The following ALK variants were observed in gnomAD, a reference collection of about 807,000 sequenced individuals.
ALK encodes the protein ALK tyrosine kinase receptor.
A neutral mutation model predicts 163.1 loss-of-function variants in ALK; 74 were observed. The ratio of observed to expected loss-of-function variants is 0.45; its 90% CI spans 0.38 to 0.55. The LOEUF is 0.55. Among genes scored for constraint, ALK ranks in the 20% least tolerant of loss-of-function variants. The probability of loss-of-function intolerance (pLI) is 0.00; values close to 1 mark genes in which losing one functional copy is unlikely to be tolerated. For synonymous variants in ALK, 960 were observed against 843.2 expected, an observed-to-expected ratio of 1.14 and a Z score of -2.40; for missense variants, 2,063 against 2,105.3, an observed-to-expected ratio of 0.98 and a Z score of 0.39.
At chr2:29,811,415 A>C (rs1439711415) in intron 1 of ALK, among the ~76,000 whole-genome samples, 1 of 152,188 alleles carries the variant, frequency 6.6e-6, no homozygotes. Flanking sequence ...GGGTCATCAT[A>C]ATGTCAAGCT....
chr2:29,907,425 G>A (rs1027466751), intron 1 of ALK, among the ~76,000 whole-genome samples: 5 of 151,982 alleles, frequency 3.3e-5, no homozygotes, highest in Non-Finnish European at 7.3e-5. Context: ...TATTTCTTCA[G>A]CACTCTCTCT....
chr2:29,883,388 C>A (rs1558532543), intron 1 of ALK, among the ~76,000 whole-genome samples: 1 of 152,312 alleles, frequency 6.6e-6, no homozygotes, highest in East Asian at 1.9e-4. Flanking sequence ...TGAATTCCTT[C>A]AAGGCCCAGG....
chr2:29,226,807 A>G lies in ALK; in HGVS notation c.3067+115T>C, dbSNP rs1235610950. 2.3e-6 allele frequency: 3 copies of G among 1,327,348 alleles called. No homozygotes were observed. The African/African-American group carries it at 4.3e-5, about 19-fold the overall frequency. 82.2% of individuals were successfully genotyped at this position (1,327,348 alleles called of 1,614,324 possible). A position where few individuals can be genotyped will look rare whatever the true frequency, so the allele number is the denominator to read the frequency against. ...TCGAGCTGTGGCAGGTAGGGGAGGG[A>G]CAGAAAGTTTACAAAACCGAATCCA... On this transcript the variant is annotated intron_variant, in intron 18 of 28. Coordinates refer to ENST00000389048, the MANE Select transcript of ALK (RefSeq NM_004304.5).
At chr2:29,511,694 T>A (rs924007938) in intron 4 of ALK, among the ~76,000 whole-genome samples, 1 of 152,184 alleles carries the variant, frequency 6.6e-6, no homozygotes, top group African/African-American at 2.4e-5. Context: ...TAGGCATATG[T>A]CTAGTTTTTA....
chr2:29,813,015 A>G (rs953067854), intron 1 of ALK, among the ~76,000 whole-genome samples: 1 of 152,260 alleles, frequency 6.6e-6, no homozygotes, highest in Non-Finnish European at 1.5e-5. Context: ...CCAGGAAACC[A>G]GGACCTGGGT....
chr2:29,324,106 C>T (rs1667170811), intron 6 of ALK, among the ~76,000 whole-genome samples: 1 of 152,220 alleles, frequency 6.6e-6, no homozygotes, highest in East Asian at 1.9e-4. Context: ...CCTTCTTGGG[C>T]TGTAGCCAGT....
chr2:29,707,937 G>T (rs944252704), intron 2 of ALK, among the ~76,000 whole-genome samples: 2 of 152,156 alleles, frequency 1.3e-5, no homozygotes, highest in Admixed American at 6.5e-5. Context: ...CAACTCACAA[G>T]AATCAGAGCT....
At chr2:29,360,867 T>A (rs1668370095) in intron 5 of ALK, among the ~76,000 whole-genome samples, 1 of 152,252 alleles carries the variant, frequency 6.6e-6, no homozygotes, top group Non-Finnish European at 1.5e-5. Context: ...TTACTTGTTC[T>A]GGGTTCTCCT....
chr2:29,365,934 C>T (rs530325202), intron 5 of ALK, among the ~76,000 whole-genome samples: 13 of 152,272 alleles, frequency 8.5e-5, no homozygotes, highest in Non-Finnish European at 1.6e-4. Context: ...TTTGCAACAT[C>T]GCCTGAGGTT....
chr2:29,755,499 C>T (rs1680494185), intron 1 of ALK, among the ~76,000 whole-genome samples: 1 of 152,100 alleles, frequency 6.6e-6, no homozygotes. Context: ...TTCAAAGGGC[C>T]CAGGATGGAA....
chr2:29,225,680 G>T, intron 18 of ALK, 115 bp from the exon 19 acceptor site: 1 of 839,908 alleles, frequency 1.2e-6, no homozygotes, highest in South Asian at 1.5e-5. Context: ...CCTTCCCATC[G>T]CTGGAGACCT....
intron 1 of ALK, among the ~76,000 whole-genome samples, chr2:29,769,792 T>TAAGC (rs1252986927): frequency 3.9e-5 from 6 of 151,942 alleles, no homozygotes; most frequent in African/African-American, 7.3e-5. Flanking sequence ...GTAAAGAAAA[T>TAAGC]AAGCAAGCAA....
chr2:29,794,117 G>A (rs1325846329), intron 1 of ALK, among the ~76,000 whole-genome samples: 3 of 152,204 alleles, frequency 2.0e-5, no homozygotes, highest in African/African-American at 7.2e-5. Context: ...TAGATCTTCT[G>A]GATAACTTTC....
intron 3 of ALK, among the ~76,000 whole-genome samples, chr2:29,680,410 C>T (rs997930183): frequency 1.6e-4 from 24 of 152,072 alleles, no homozygotes; most frequent in Non-Finnish European, 2.9e-4. Context: ...AAAATTTATA[C>T]TGGCTTGTCT....
At chr2:29,198,422 A>G (rs1481696375) in intron 26 of ALK, among the ~76,000 whole-genome samples, 1 of 152,164 alleles carries the variant, frequency 6.6e-6, no homozygotes, top group Non-Finnish European at 1.5e-5. Flanking sequence ...CCTTGATTCC[A>G]TTCTCCCACA....
intron 1 of ALK, among the ~76,000 whole-genome samples, chr2:29,873,914 A>G (rs537913150): frequency 1.3e-5 from 2 of 152,254 alleles, no homozygotes; most frequent in South Asian, 4.2e-4. Context: ...GCCTCTGGAC[A>G]ATAAAGCAGA....
chr2:29,735,552 C>G lies in ALK; in HGVS notation c.668-17855G>C, dbSNP rs144139667. On this transcript the variant is annotated intron_variant, in intron 1 of 28. Transcript: ENST00000389048. ...TTTAAGCTTTACTTGAATTATCTCACCTATTCTTTATTGACATGGTTTGAC... is the reference window on the plus strand; with the variant it reads ...TTTAAGCTTTACTTGAATTATCTCAGCTATTCTTTATTGACATGGTTTGAC... Among the ~76,000 whole-genome samples the G allele has an allele frequency of 6.6e-3, 1,011 of 152,100 alleles. 7 individuals carry two copies. Among genetic ancestry groups the G allele is most frequent in the Non-Finnish European group, 0.011 (745 of 68,012 alleles).
intron 8 of ALK, among the ~76,000 whole-genome samples, chr2:29,309,741 G>T (rs1666646188): frequency 6.6e-6 from 1 of 151,544 alleles, no homozygotes; most frequent in Non-Finnish European, 1.5e-5. Flanking sequence ...GTGGGGGGTG[G>T]GGGTGGGGCT....
intron 4 of ALK, among the ~76,000 whole-genome samples, chr2:29,460,647 A>G: frequency 6.6e-6 from 1 of 152,268 alleles, no homozygotes. Context: ...CCACGCCAAA[A>G]TAAAACAGTG....
Sources: gnomAD v4.1 joint callset for allele counts (sites outside exome capture counted in the v4.1 genomes callset) on GRCh38, gnomAD v4.1.1 for gene constraint, MANE v1.5 for transcripts, NCBI Gene and HGNC (gene_info 2026-07-23, HGNC 2026-07-21) for gene names.